Variants in CADPS observed in about 807,000 individuals in gnomAD.
CADPS encodes calcium dependent secretion activator.
CADPS carries 57 observed loss-of-function variants against 167.3 expected under a neutral mutation model. That is an observed-to-expected ratio of 0.34 (90% CI 0.28 to 0.42). CADPS has a LOEUF of 0.42. Ranked by LOEUF, CADPS falls within the 20% of genes least tolerant of loss-of-function variation. CADPS has a pLI of 1.00. For synonymous variants in CADPS, 676 were observed against 635.3 expected (o/e 1.06, Z -0.96); for missense variants, 1,414 against 1,738.1 (o/e 0.81, Z 3.32).
chr3:62,610,734 AC>A (rs764701172), intron 6 of CADPS, among the ~76,000 whole-genome samples: 14 of 151,526 alleles, frequency 9.2e-5, no homozygotes, highest in Non-Finnish European at 1.8e-4. Context: ...GGAGTGTGAG[AC>A]CCCCTCTTCT....
chr3:62,721,605 G>A (rs1201727418), intron 3 of CADPS, among the ~76,000 whole-genome samples: 1 of 152,006 alleles, frequency 6.6e-6, no homozygotes. Flanking sequence ...AACATTGTCA[G>A]TATCTAGTTT....
chr3:62,436,530 T>C (rs1401900466), intron 28 of CADPS, among the ~76,000 whole-genome samples: 2 of 152,154 alleles, frequency 1.3e-5, no homozygotes, highest in Non-Finnish European at 2.9e-5. Flanking sequence ...TCAATGCCTA[T>C]TGGATGGTGA....
chr3:62,725,504 T>G (rs889992895), intron 3 of CADPS, among the ~76,000 whole-genome samples: 2 of 152,222 alleles, frequency 1.3e-5, no homozygotes, highest in African/African-American at 4.8e-5. Context: ...TTGCACGAAT[T>G]AGCTCTGTGA....
intron 24 of CADPS, among the ~76,000 whole-genome samples, chr3:62,469,027 G>A (rs916146349): frequency 3.3e-5 from 5 of 152,130 alleles, no homozygotes; most frequent in African/African-American, 9.7e-5. Context: ...TTAACATAGT[G>A]GTTGCATGTG....
At chr3:62,853,403 T>C (rs2079008335) in intron 1 of CADPS, among the ~76,000 whole-genome samples, 1 of 151,372 alleles carries the variant, frequency 6.6e-6, no homozygotes, top group Admixed American at 6.6e-5. Flanking sequence ...GGTGGATGGG[T>C]CACCTGAGGT....
chr3:62,701,073 T>C (rs902863073), intron 3 of CADPS, among the ~76,000 whole-genome samples: 1 of 152,080 alleles, frequency 6.6e-6, no homozygotes, highest in Non-Finnish European at 1.5e-5. Context: ...GAGGGCTCTA[T>C]TCTTATGACC....
chr3:62,745,996 C>G (rs1016734746), intron 3 of CADPS, among the ~76,000 whole-genome samples: 6 of 152,128 alleles, frequency 3.9e-5, no homozygotes, highest in African/African-American at 1.4e-4. Flanking sequence ...AGGAAAACAG[C>G]AAACACTGAG....
In CADPS at chr3:62,572,941, G is replaced by T. The variant is rs565297303; in HGVS notation, c.1578-2003C>A. ...CCGTCACCCAGGCTGGAGTGCAATG[G>T]CATGATTTCAGCTCACTGCAACCTC... is the stretch of plus-strand genomic sequence containing the variant. On this transcript the variant is annotated intron_variant, in intron 8 of 29. Coordinates refer to ENST00000383710, the MANE Select transcript of CADPS (RefSeq NM_003716.4). Among the ~76,000 whole-genome samples, 5 of 152,248 alleles carry T rather than the reference G, an allele frequency of 3.3e-5. No homozygotes were observed. In the South Asian group the frequency reaches 1.0e-3, roughly 32 times the overall value.
chr3:62,414,177 C>T (rs559590040), intron 28 of CADPS, among the ~76,000 whole-genome samples: 1 of 152,296 alleles, frequency 6.6e-6, no homozygotes, highest in South Asian at 2.1e-4. Flanking sequence ...CATTTTTTTA[C>T]ACCGTGAACC....
At chr3:62,418,487 A>ATTT (rs5849477) in intron 28 of CADPS, among the ~76,000 whole-genome samples, 3 of 88,868 alleles carry the variant, frequency 3.4e-5, no homozygotes, top group Non-Finnish European at 4.3e-5. Context: ...ACCATGCCCT[A>ATTT]TTTTTTTTTT....
chr3:62,797,869 CAAAAA>C (rs547347180), intron 1 of CADPS, among the ~76,000 whole-genome samples: 2 of 151,774 alleles, frequency 1.3e-5, no homozygotes, highest in African/African-American at 4.8e-5. Context: ...TAATCTATAA[CAAAAA>C]AATCTTTTGA....
At chr3:62,706,235 T>C (rs2082287428) in intron 3 of CADPS, among the ~76,000 whole-genome samples, 1 of 152,172 alleles carries the variant, frequency 6.6e-6, no homozygotes, top group Non-Finnish European at 1.5e-5. Context: ...GTCCTCATCA[T>C]AGTAAATTTT....
intron 6 of CADPS, among the ~76,000 whole-genome samples, chr3:62,603,298 C>T (rs999940684): frequency 6.6e-6 from 1 of 152,186 alleles, no homozygotes. Flanking sequence ...TTTAACAATG[C>T]TTGATTATCC....
intron 17 of CADPS, among the ~76,000 whole-genome samples, chr3:62,502,606 A>G (rs2065946042): frequency 6.6e-6 from 1 of 152,194 alleles, no homozygotes; most frequent in Non-Finnish European, 1.5e-5. Context: ...GTATCTCAAA[A>G]CCTATAAAAT....
chr3:62,416,796 G>T (rs2050148716), intron 28 of CADPS, among the ~76,000 whole-genome samples: 1 of 152,008 alleles, frequency 6.6e-6, no homozygotes, highest in South Asian at 2.1e-4. Context: ...GCTAAACACA[G>T]ACAGGACAAA....
At chr3:62,506,826 C>T (rs2066770886) in intron 17 of CADPS, among the ~76,000 whole-genome samples, 1 of 152,156 alleles carries the variant, frequency 6.6e-6, no homozygotes, top group African/African-American at 2.4e-5. Context: ...TATACAGTTG[C>T]TTGGAGAGGA....
intron 11 of CADPS, among the ~76,000 whole-genome samples, chr3:62,543,208 TCAAA>T (rs1433868344): frequency 1.3e-5 from 2 of 152,162 alleles, no homozygotes; most frequent in South Asian, 2.1e-4. Context: ...TGGTTTTGGG[TCAAA>T]CAAATTATGT....
rs1211707119 is a variant in CADPS at position 62,875,364 on chromosome 3, G to A, written c.-335C>T. 6 of 169,594 alleles carry A rather than the reference G, an allele frequency of 3.5e-5. No individual in the cohort carries two copies. Among genetic ancestry groups the A allele is most frequent in the Admixed American group, 2.5e-4 (4 of 15,798 alleles). The allele number at this position is 169,594 out of a possible 1,614,324, so 10.5% of individuals were successfully genotyped here. A position where few individuals can be genotyped will look rare whatever the true frequency, so the allele number is the denominator to read the frequency against. On this transcript the variant is annotated 5_prime_UTR_variant, in exon 1 of 30. Transcript: ENST00000383710. ...AGGAGGCGCCTCCAGAAAAGATGCC[G>A]AGTGTTGCAAGCTGTCGATGCAGCC... is the stretch of plus-strand genomic sequence containing the variant.
chr3:62,874,547 G>A lies in CADPS; in HGVS notation c.441+42C>T, dbSNP rs372354244. The A allele has an allele frequency of 3.4e-6, 5 of 1,467,606 alleles. No individual in the cohort carries two copies. In the African/African-American group the frequency reaches 7.1e-5, roughly 21 times the overall value. 90.9% of individuals were successfully genotyped at this position (1,467,606 alleles called of 1,614,324 possible). A position where few individuals can be genotyped will look rare whatever the true frequency, so the allele number is the denominator to read the frequency against. On this transcript the variant is annotated intron_variant, in intron 1 of 29. Coordinates refer to ENST00000383710, the MANE Select transcript of CADPS (RefSeq NM_003716.4). The surrounding 1 kb of genome is among the most constrained non-coding windows in gnomAD (Gnocchi z 7.1). ...CCATTGTTCACCCCGCCCGCCTGGCGACGTCCGGGTGCTGCTCCCTGGGCC... is the reference window on the plus strand; with the variant it reads ...CCATTGTTCACCCCGCCCGCCTGGCAACGTCCGGGTGCTGCTCCCTGGGCC...
Sources: allele counts gnomAD v4.1 joint callset (sites outside exome capture counted in the v4.1 genomes callset), GRCh38; gene constraint gnomAD v4.1.1; non-coding constraint Gnocchi (gnomAD v3.1); transcripts MANE v1.5; gene names NCBI Gene and HGNC (gene_info 2026-07-23, HGNC 2026-07-21).